Variants in PDXDC1 observed in about 807,000 individuals in gnomAD.
The protein encoded by PDXDC1 is pyridoxal dependent decarboxylase domain containing 1, also known as pyridoxal-dependent decarboxylase domain-containing protein 1.
A neutral mutation model predicts 100.1 loss-of-function variants in PDXDC1; 42 were observed. That is an observed-to-expected ratio of 0.42 (90% CI 0.33 to 0.54). The LOEUF (loss-of-function observed/expected upper bound fraction) is 0.54. Ranked by LOEUF, PDXDC1 falls within the 20% of genes least tolerant of loss-of-function variation. The pLI is 0.10. For missense variants in PDXDC1, 636 were observed against 979.2 expected, an observed-to-expected ratio of 0.65 and a Z score of 4.68; for synonymous variants, 260 against 371.7, an observed-to-expected ratio of 0.70 and a Z score of 3.46.
At chr16:15,071,941 C>G (rs1300092343) in intron 16 of PDXDC1, among the ~76,000 whole-genome samples, 1 of 152,160 alleles carries the variant, frequency 6.6e-6, no homozygotes, top group African/African-American at 2.4e-5. Context: ...CACATGGGCA[C>G]TCCTGTGAGT....
At chr16:14,988,363 G>A (rs1174426461) in intron 1 of PDXDC1, 1 of 1,614,166 alleles carries the variant, frequency 6.2e-7, no homozygotes, top group African/African-American at 1.3e-5. Flanking sequence ...AGGGTGATGA[G>A]GGAGGCCAAG....
At chr16:15,147,029 T>C in the PDXDC1 span, among the ~76,000 whole-genome samples, 1 of 151,394 alleles carries the variant, frequency 6.6e-6, no homozygotes, top group Non-Finnish European at 1.5e-5. Context: ...GCCTCCTTCC[T>C]GAAACTGAAC....
At chr16:15,018,783 A>G (rs2041973808) in intron 11 of PDXDC1, 57 bp from the exon 12 acceptor site, 1 of 1,489,626 alleles carries the variant, frequency 6.7e-7, no homozygotes, top group Admixed American at 1.9e-5. Context: ...GTAGCTGGTT[A>G]GTTCTATTAT....
At chr16:15,072,556 C>T (rs1567197657) in intron 16 of PDXDC1, among the ~76,000 whole-genome samples, 1 of 152,088 alleles carries the variant, frequency 6.6e-6, no homozygotes, top group Non-Finnish European at 1.5e-5. Context: ...AATCCCAACG[C>T]TTTGCGGGGC....
At chr16:15,111,302 C>T (rs1260055214) in intron 16 of PDXDC1, among the ~76,000 whole-genome samples, 2 of 145,426 alleles carry the variant, frequency 1.4e-5, no homozygotes, top group Non-Finnish European at 3.1e-5. Context: ...GCTAAAAATA[C>T]AAAATTAGCC....
At chr16:15,127,698 G>A (rs2151907735) in intron 16 of PDXDC1, 3 of 1,460,062 alleles carry the variant, frequency 2.1e-6, no homozygotes, top group Non-Finnish European at 2.8e-6. Flanking sequence ...TGTAGGCAGA[G>A]TCACCAACAG....
At chr16:15,089,810 A>AAAAAG (rs2046058145) in intron 16 of PDXDC1, among the ~76,000 whole-genome samples, 1 of 141,114 alleles carries the variant, frequency 7.1e-6, no homozygotes, top group Non-Finnish European at 1.6e-5. Flanking sequence ...AAAAAAAAAA[A>AAAAAG]ACAGATTAAA....
intron 16 of PDXDC1, among the ~76,000 whole-genome samples, chr16:15,084,003 A>T (rs2045811086): frequency 6.6e-6 from 1 of 152,228 alleles, no homozygotes. Flanking sequence ...GGCGTGAGCC[A>T]CCGCGCCCGG....
chr16:15,073,883 G>A (rs1402657025), intron 16 of PDXDC1, among the ~76,000 whole-genome samples: 2 of 152,006 alleles, frequency 1.3e-5, no homozygotes, highest in Non-Finnish European at 2.9e-5. Flanking sequence ...TGGCCTAAGT[G>A]CTGGGATTCA....
At chr16:15,148,753 T>C in the PDXDC1 span, among the ~76,000 whole-genome samples, 1 of 152,048 alleles carries the variant, frequency 6.6e-6, no homozygotes, top group Non-Finnish European at 1.5e-5. Flanking sequence ...AAGCCGATAC[T>C]GCATGGATGA....
chr16:15,032,030 T>C (rs1231094709), intron 17 of PDXDC1, 124 bp downstream of exon 17: 1 of 855,086 alleles, frequency 1.2e-6, no homozygotes, highest in Non-Finnish European at 1.8e-6. Context: ...TTAACGAAAA[T>C]GCAACTCGGT....
chr16:15,095,951 T>C (rs566739973), intron 16 of PDXDC1, among the ~76,000 whole-genome samples: 1 of 150,932 alleles, frequency 6.6e-6, no homozygotes, highest in East Asian at 2.0e-4. Context: ...TGGTGGTGCA[T>C]ACCTGTAGTC....
chr16:14,991,697 T>A (rs1460648260), intron 1 of PDXDC1, among the ~76,000 whole-genome samples: 4 of 152,242 alleles, frequency 2.6e-5, no homozygotes, highest in Non-Finnish European at 5.9e-5. Flanking sequence ...TTTTTTTGTA[T>A]TTTTTGTAGA....
intron 16 of PDXDC1, chr16:15,092,556 C>T (rs750764061): frequency 1.2e-6 from 2 of 1,613,690 alleles, no homozygotes; most frequent in East Asian, 2.2e-5. Context: ...CCAAACCGAA[C>T]AGTTTTTCTT....
intron 16 of PDXDC1, chr16:15,126,613 A>C (rs2047741669): frequency 7.0e-6 from 1 of 142,374 alleles, no homozygotes; most frequent in African/African-American, 2.6e-5. Context: ...GCTTAGAAAA[A>C]TTCTATCGTG....
chr16:14,974,979 G>A, upstream of PDXDC1: 2 of 1,535,162 alleles, frequency 1.3e-6, no homozygotes, highest in Middle Eastern at 1.7e-4. Context: ...CCCAGGTACG[G>A]AATCCCAGAG....
intron 5 of PDXDC1, among the ~76,000 whole-genome samples, chr16:15,005,373 T>G (rs1974051111): frequency 6.6e-6 from 1 of 152,244 alleles, no homozygotes. Flanking sequence ...GAAATTTGTT[T>G]TATTCTGTGA....
chr16:15,017,450 T>G, intron 11 of PDXDC1, 28 bp downstream of exon 11: 1 of 1,600,610 alleles, frequency 6.2e-7, no homozygotes, highest in South Asian at 1.1e-5. Flanking sequence ...GGGGAGGGAG[T>G]GGGTGTGGCT....
chr16:15,030,637 G>A (rs1294848287), intron 16 of PDXDC1, among the ~76,000 whole-genome samples: 1 of 150,870 alleles, frequency 6.6e-6, no homozygotes, highest in South Asian at 2.1e-4. Flanking sequence ...AGGCTGGAGT[G>A]CAGTGGTGCG....
Sources: allele counts gnomAD v4.1 joint callset (sites outside exome capture counted in the v4.1 genomes callset), GRCh38; gene constraint gnomAD v4.1.1; transcripts MANE v1.5; gene names NCBI Gene and HGNC (gene_info 2026-07-23, HGNC 2026-07-21).